CSMD1: variants seen among roughly 807,000 people sequenced by gnomAD.
CSMD1 encodes CUB and Sushi multiple domains 1.
In CSMD1, 213 loss-of-function variants were observed where a neutral mutation model predicts 417.5. The observed-to-expected ratio is 0.51, with a 90% confidence interval of 0.46 to 0.57. The LOEUF (loss-of-function observed/expected upper bound fraction) is 0.57. CSMD1 is among the 20% of genes least tolerant of loss of function. The pLI, the probability that CSMD1 is intolerant of heterozygous loss-of-function variation, is 0.00. For missense variants in CSMD1, 6,923 were observed against 4,529.7 expected (o/e 1.53, Z -15.17); for synonymous variants, 2,862 against 1,736.8 (o/e 1.65, Z -16.11).
chr8:3,154,528 G>T (rs1329804124), intron 39 of CSMD1, among the ~76,000 whole-genome samples: 1 of 152,118 alleles, frequency 6.6e-6, no homozygotes, highest in Non-Finnish European at 1.5e-5. Flanking sequence ...CTTATTTTGT[G>T]TGAATTCTTG....
intron 2 of CSMD1, among the ~76,000 whole-genome samples, chr8:4,445,694 A>C (rs17414883): frequency 0.24 from 37,074 of 152,118 alleles, 5,630 homozygotes; most frequent in Non-Finnish European, 0.35. Flanking sequence ...CTTTCCCACA[A>C]CTTGGAAGGA....
chr8:4,934,634 A>G lies in CSMD1; in HGVS notation c.85+59698T>C, dbSNP rs566146969. Among the ~76,000 whole-genome samples, 2 of 140,756 alleles carry G rather than the reference A, an allele frequency of 1.4e-5. 1 individual carries two copies. Among genetic ancestry groups the G allele is most frequent in the Admixed American group, 1.4e-4 (2 of 14,352 alleles). The allele number at this position is 140,756 out of a possible 152,430, so 92.3% of individuals were successfully genotyped here. ...TTATTTTTCACTTATCTACCTATCT[A>G]TATATCATGTATTTATTGATCAATT... On this transcript the variant is annotated intron_variant, in intron 1 of 69. Coordinates refer to ENST00000635120, the MANE Select transcript of CSMD1 (RefSeq NM_033225.6).
At chr8:4,004,144 A>T (rs1815919593) in intron 4 of CSMD1, among the ~76,000 whole-genome samples, 1 of 152,114 alleles carries the variant, frequency 6.6e-6, no homozygotes, top group Non-Finnish European at 1.5e-5. Context: ...AACTATAAAG[A>T]CTAAGAAATA....
chr8:4,120,537 G>T (rs906724783), intron 3 of CSMD1, among the ~76,000 whole-genome samples: 1 of 151,998 alleles, frequency 6.6e-6, no homozygotes. Context: ...GCATCTTCTG[G>T]CGATAAGGGA....
At chr8:4,053,518 G>C (rs1213364973) in intron 3 of CSMD1, among the ~76,000 whole-genome samples, 1 of 152,036 alleles carries the variant, frequency 6.6e-6, no homozygotes, top group Admixed American at 6.6e-5. Context: ...ATCAAAATAT[G>C]AAACACTTTT....
chr8:4,575,693 A>T (rs903142227), intron 2 of CSMD1, among the ~76,000 whole-genome samples: 1 of 152,206 alleles, frequency 6.6e-6, no homozygotes, highest in Admixed American at 6.5e-5. Context: ...CATTTTGAAG[A>T]TTTAAAATAT....
chr8:4,390,129 A>T (rs1286648761), intron 3 of CSMD1, among the ~76,000 whole-genome samples: 1 of 152,230 alleles, frequency 6.6e-6, no homozygotes, highest in Non-Finnish European at 1.5e-5. Context: ...AATGCTCAGC[A>T]ATTGGACTTT....
chr8:4,173,431 C>G (rs6982435), intron 3 of CSMD1, among the ~76,000 whole-genome samples: 45,375 of 151,564 alleles, frequency 0.3, 7,308 homozygotes, highest in South Asian at 0.42. Flanking sequence ...AGGTAAAGGT[C>G]ACCAGAGGAC....
intron 3 of CSMD1, among the ~76,000 whole-genome samples, chr8:4,096,751 G>C (rs375018945): frequency 6.6e-6 from 1 of 152,160 alleles, no homozygotes; most frequent in Non-Finnish European, 1.5e-5. Context: ...TATTGTATGA[G>C]TTTTTTCCCT....
chr8:3,339,716 A>G (rs982465215), intron 23 of CSMD1, among the ~76,000 whole-genome samples: 5 of 152,142 alleles, frequency 3.3e-5, no homozygotes, highest in African/African-American at 1.2e-4. Context: ...CAGGGAATAC[A>G]ATTTGAATGA....
rs573923219 is a variant in CSMD1 at position 4,654,273 on chromosome 8, A to C, written c.86-16715T>G. ...TTGAACAACAGTTCAGGCAAATCTC[A>C]AATGAATATAGACTTATATGGAAAG... On this transcript the variant is annotated intron_variant, in intron 1 of 69. Transcript: ENST00000635120. 3.3e-5 allele frequency among the ~76,000 whole-genome samples: 5 copies of C among 152,236 alleles called. No homozygotes were observed. The East Asian group carries it at 9.7e-4, about 29-fold the overall frequency.
In CSMD1 at chr8:4,485,172, T is replaced by A. The variant is rs1281714759; in HGVS notation, c.303-65107A>T. On this transcript the variant is annotated intron_variant, in intron 2 of 69. Transcript: ENST00000635120. ...TGCATTTCCTTAGATGTCTACTGAT[T>A]TGTATAAAGAGAGTGTCCTTAATAC... Among the ~76,000 whole-genome samples the A allele has an allele frequency of 2.0e-5, 3 of 152,104 alleles. No individual in the cohort carries two copies. The East Asian group carries it at 5.8e-4, about 29-fold the overall frequency.
chr8:3,580,923 G>C (rs750911294), intron 9 of CSMD1, among the ~76,000 whole-genome samples: 2 of 152,152 alleles, frequency 1.3e-5, no homozygotes, highest in East Asian at 1.9e-4. Context: ...CACAAATTAA[G>C]AATAATTTTT....
intron 1 of CSMD1, among the ~76,000 whole-genome samples, chr8:4,958,479 A>T (rs892712135): frequency 7.2e-5 from 11 of 152,214 alleles, no homozygotes; most frequent in Non-Finnish European, 1.6e-4. Context: ...TATATTGAAG[A>T]TATTGAGGCT....
At chr8:4,091,228 C>G (rs1800704636) in intron 3 of CSMD1, among the ~76,000 whole-genome samples, 1 of 151,632 alleles carries the variant, frequency 6.6e-6, no homozygotes, top group Non-Finnish European at 1.5e-5. Flanking sequence ...CAAAAGCAGT[C>G]TTAAAGGTGA....
intron 6 of CSMD1, among the ~76,000 whole-genome samples, chr8:3,713,268 G>A (rs574588785): frequency 1.3e-5 from 2 of 152,082 alleles, no homozygotes; most frequent in Admixed American, 6.6e-5. Context: ...TCTCTAAGTG[G>A]TTAGGTTAAA....
chr8:4,775,865 T>C (rs7835487), intron 1 of CSMD1, among the ~76,000 whole-genome samples: 26,047 of 152,094 alleles, frequency 0.17, 2,317 homozygotes, highest in East Asian at 0.26. Context: ...TTCAATGTAA[T>C]GTACCATAGG....
Position 3,181,225 on chromosome 8 carries a change from C to T in CSMD1, c.5621-11G>A. On this transcript the variant is annotated splice_polypyrimidine_tract_variant and intron_variant, in intron 36 of 69. Transcript: ENST00000635120. ...CCGGTACTGTGGTGCCTGTAAGAAA[C>T]AATGCAGATAGAATTGTAACACTAC... 6.3e-7 allele frequency: 1 copy of T among 1,575,694 alleles called. No homozygotes were observed. The highest frequency in any genetic ancestry group is 1.1e-5 in the South Asian group (1 of 89,748).
At chr8:4,265,059 C>A (rs1216574548) in intron 3 of CSMD1, among the ~76,000 whole-genome samples, 1 of 152,098 alleles carries the variant, frequency 6.6e-6, no homozygotes, top group East Asian at 1.9e-4. Context: ...TGCCTTGATA[C>A]AAAGGCTGCT....
Sources: allele counts gnomAD v4.1 joint callset (sites outside exome capture counted in the v4.1 genomes callset), GRCh38; gene constraint gnomAD v4.1.1; transcripts MANE v1.5; gene names NCBI Gene and HGNC (gene_info 2026-07-23, HGNC 2026-07-21).